NCKAP5: variants seen among roughly 807,000 people sequenced by gnomAD.
NCKAP5 encodes the protein nck-associated protein 5.
NCKAP5 carries 92 observed loss-of-function variants against 167.0 expected under a neutral mutation model. The ratio of observed to expected loss-of-function variants is 0.55; its 90% CI spans 0.47 to 0.66. The LOEUF (loss-of-function observed/expected upper bound fraction) is 0.66. Ranked by LOEUF, NCKAP5 falls within the 30% of genes least tolerant of loss-of-function variation. The probability of loss-of-function intolerance (pLI) is 0.00; values close to 1 mark genes in which losing one functional copy is unlikely to be tolerated. For missense variants in NCKAP5, 2,378 were observed against 2,315.0 expected (o/e 1.03, Z -0.56); for synonymous variants, 891 against 877.4 (o/e 1.02, Z -0.27).
intron 4 of NCKAP5, among the ~76,000 whole-genome samples, chr2:133,215,189 C>A (rs2086374550): frequency 6.6e-6 from 1 of 151,998 alleles, no homozygotes; most frequent in African/African-American, 2.4e-5. Flanking sequence ...TGTAGAGAGG[C>A]CAAGTAATCA....
intron 5 of NCKAP5, among the ~76,000 whole-genome samples, chr2:133,176,297 C>T (rs2084458378): frequency 6.6e-6 from 1 of 152,178 alleles, no homozygotes; most frequent in South Asian, 2.1e-4. Context: ...AATGAATTGC[C>T]ATAACACTGT....
At chr2:132,714,021 C>T (rs1689118564) in intron 19 of NCKAP5, among the ~76,000 whole-genome samples, 1 of 152,132 alleles carries the variant, frequency 6.6e-6, no homozygotes, top group Admixed American at 6.5e-5. Flanking sequence ...TTCTGGTTTC[C>T]ATGTAATTGA....
chr2:133,419,263 A>G (rs1345952990), intron 3 of NCKAP5, among the ~76,000 whole-genome samples: 4 of 152,194 alleles, frequency 2.6e-5, no homozygotes, highest in Admixed American at 6.5e-5. Flanking sequence ...AGAAATAGAA[A>G]CAAAGAGTAA....
chr2:133,299,429 C>CT (rs1680197789), intron 4 of NCKAP5, among the ~76,000 whole-genome samples: 1 of 152,006 alleles, frequency 6.6e-6, no homozygotes, highest in Admixed American at 6.6e-5. Context: ...AGAGAGCACT[C>CT]TCCCCATGCC....
chr2:133,670,061 T>G, the NCKAP5 span, among the ~76,000 whole-genome samples: 1 of 152,072 alleles, frequency 6.6e-6, no homozygotes, highest in Non-Finnish European at 1.5e-5. Context: ...TAATTGGAGG[T>G]TAAGAGCTAA....
chr2:132,714,606 T>C (rs1005202308), intron 19 of NCKAP5, among the ~76,000 whole-genome samples: 5 of 151,680 alleles, frequency 3.3e-5, no homozygotes, highest in Admixed American at 2.6e-4. Context: ...TCACCTGAGG[T>C]TGGGAGTTTG....
At chr2:132,727,649 T>C (rs1690591327) in intron 18 of NCKAP5, among the ~76,000 whole-genome samples, 1 of 152,166 alleles carries the variant, frequency 6.6e-6, no homozygotes, top group Non-Finnish European at 1.5e-5. Flanking sequence ...CACAGCAGTT[T>C]CCTCCTTTGC....
intron 11 of NCKAP5, among the ~76,000 whole-genome samples, chr2:132,821,504 G>A (rs1686730203): frequency 6.6e-6 from 1 of 152,198 alleles, no homozygotes; most frequent in Admixed American, 6.5e-5. Flanking sequence ...ACTGAAATTG[G>A]TAGTGGTTTC....
intron 6 of NCKAP5, among the ~76,000 whole-genome samples, chr2:133,006,296 C>A (rs545096095): frequency 2.6e-5 from 4 of 151,984 alleles, no homozygotes; most frequent in Admixed American, 1.3e-4. Context: ...AACAAACAAA[C>A]AAAAAAAGAT....
At position 132,746,386 on chromosome 2, in the gene NCKAP5, A is replaced by AG. The variant is rs1229153736; in HGVS notation, c.5129-14336_5129-14335insC. Among the ~76,000 whole-genome samples the AG allele has an allele frequency of 3.4e-3, 521 of 152,266 alleles. 5 individuals carry two copies. The highest frequency in any genetic ancestry group is 0.012 in the African/African-American group (489 of 41,560). ...TAAACCCTTTTCTCACACTGTATAT[A>AG]AAAATTAACACATAAACCCAAACAC... On this transcript the variant is annotated intron_variant, in intron 16 of 19. Transcript: ENST00000409261.
chr2:132,699,523 C>A (rs921027771), intron 19 of NCKAP5, among the ~76,000 whole-genome samples: 1 of 151,818 alleles, frequency 6.6e-6, no homozygotes, highest in African/African-American at 2.4e-5. Context: ...TGTTCTCCAT[C>A]CTGTGTCCAA....
intron 3 of NCKAP5, among the ~76,000 whole-genome samples, chr2:133,322,612 T>A (rs1682137670): frequency 6.6e-6 from 1 of 152,190 alleles, no homozygotes; most frequent in Non-Finnish European, 1.5e-5. Context: ...AAAGTAAAAG[T>A]TGAAAAATTA....
intron 3 of NCKAP5, among the ~76,000 whole-genome samples, chr2:133,394,711 A>C (rs1171556681): frequency 3.3e-5 from 5 of 152,232 alleles, no homozygotes; most frequent in African/African-American, 1.2e-4. Flanking sequence ...TTCAAAAAAC[A>C]CAGAACACCA....
chr2:132,793,912 T>C (rs1167680082), intron 12 of NCKAP5, among the ~76,000 whole-genome samples: 3 of 152,184 alleles, frequency 2.0e-5, no homozygotes, highest in South Asian at 2.1e-4. Flanking sequence ...GAGCTTTTTT[T>C]CCCCTACAGT....
intron 16 of NCKAP5, among the ~76,000 whole-genome samples, chr2:132,764,011 G>A (rs1574120053): frequency 6.6e-6 from 1 of 152,252 alleles, no homozygotes; most frequent in East Asian, 1.9e-4. Context: ...TATTTTACAG[G>A]AGTGAAAAAG....
chr2:133,604,458 G>C, the NCKAP5 span, among the ~76,000 whole-genome samples: 4 of 151,860 alleles, frequency 2.6e-5, no homozygotes, highest in East Asian at 5.8e-4. Flanking sequence ...CACTTGCCTC[G>C]GCCTCCTAAA....
intron 4 of NCKAP5, among the ~76,000 whole-genome samples, chr2:133,299,428 T>C (rs1210260584): frequency 1.3e-5 from 2 of 151,856 alleles, no homozygotes; most frequent in Admixed American, 6.6e-5. Flanking sequence ...GAGAGAGCAC[T>C]CTCCCCATGC....
chr2:133,559,893 G>A (rs989908141), intron 1 of NCKAP5, among the ~76,000 whole-genome samples: 1 of 152,118 alleles, frequency 6.6e-6, no homozygotes, highest in African/African-American at 2.4e-5. Flanking sequence ...GCCCAAAGTA[G>A]GAAACAAAAA....
At chr2:133,558,056 C>T (rs1687870517) in intron 2 of NCKAP5, 1 of 152,252 alleles carries the variant, frequency 6.6e-6, no homozygotes, top group Admixed American at 6.5e-5. Context: ...TGTCCTTTAG[C>T]TGGCTCATGG....
Sources: allele counts gnomAD v4.1 joint callset (sites outside exome capture counted in the v4.1 genomes callset), GRCh38; gene constraint gnomAD v4.1.1; transcripts MANE v1.5; gene names NCBI Gene and HGNC (gene_info 2026-07-23, HGNC 2026-07-21).